RASEF: variants seen among roughly 807,000 people sequenced by gnomAD.
RASEF encodes RAS and EF-hand domain containing, also known as ras and EF-hand domain-containing protein.
In RASEF, 68 loss-of-function variants were observed where a neutral mutation model predicts 90.1. That is an observed-to-expected ratio of 0.75 (90% CI 0.62 to 0.92). The LOEUF (loss-of-function observed/expected upper bound fraction) is 0.92. RASEF is among the 40% of genes least tolerant of loss of function. The pLI is 0.00. For synonymous variants in RASEF, 331 were observed against 345.2 expected (o/e 0.96, Z 0.46); for missense variants, 949 against 937.2 (o/e 1.01, Z -0.16).
At chr9:83,005,617 G>C in intron 7 of RASEF, 117 bp from the exon 8 acceptor site, 1 of 763,122 alleles carries the variant, frequency 1.3e-6, no homozygotes, top group Non-Finnish European at 2.3e-6. Context: ...ATCATCTTCT[G>C]CAACTTTCCA....
chr9:83,199,256 C>CAAAA, the RASEF span, among the ~76,000 whole-genome samples: 1 of 120,728 alleles, frequency 8.3e-6, no homozygotes. Flanking sequence ...AAAAAAAAAG[C>CAAAA]ACCTGACCTT....
the RASEF span, among the ~76,000 whole-genome samples, chr9:83,206,237 T>A: frequency 6.6e-6 from 1 of 152,252 alleles, no homozygotes; most frequent in South Asian, 2.1e-4. Flanking sequence ...ATTTTTTCGT[T>A]AAGATCTAGC....
chr9:83,020,416 T>G (rs1231020774), intron 3 of RASEF, among the ~76,000 whole-genome samples: 1 of 152,156 alleles, frequency 6.6e-6, no homozygotes, highest in African/African-American at 2.4e-5. Context: ...GGAAAAATCT[T>G]AGACTGGCCT....
At chr9:83,081,437 A>G in the RASEF span, among the ~76,000 whole-genome samples, 1 of 152,014 alleles carries the variant, frequency 6.6e-6, no homozygotes, top group Non-Finnish European at 1.5e-5. Context: ...GTTCCTGTTC[A>G]TTTCTGGCCT....
chr9:83,122,966 G>A, the RASEF span, among the ~76,000 whole-genome samples: 8,174 of 152,232 alleles, frequency 0.054, 274 homozygotes, highest in South Asian at 0.1. Flanking sequence ...GGGGCTGGGC[G>A]CAGTGGCTCA....
the RASEF span, among the ~76,000 whole-genome samples, chr9:83,203,546 G>T: frequency 1.3e-5 from 2 of 152,146 alleles, no homozygotes; most frequent in Admixed American, 1.3e-4. Context: ...AAAGTGCTGG[G>T]ATTACAGGCA....
At chr9:83,044,896 T>C (rs1278316478) in intron 1 of RASEF, among the ~76,000 whole-genome samples, 1 of 152,110 alleles carries the variant, frequency 6.6e-6, no homozygotes. Context: ...GTCTCATCCA[T>C]TCAGTAAAGA....
chr9:83,211,149 T>C, the RASEF span, among the ~76,000 whole-genome samples: 1 of 152,238 alleles, frequency 6.6e-6, no homozygotes, highest in Non-Finnish European at 1.5e-5. Context: ...TTAGTTGCCA[T>C]GCCTCTTTAG....
chr9:83,022,664 A>C lies in RASEF; in HGVS notation c.579-238T>G, dbSNP rs10121204. Among the ~76,000 whole-genome samples the C allele has an allele frequency of 0.54, 82,035 of 151,978 alleles. 22,436 individuals are homozygous for C. The highest frequency in any genetic ancestry group is 0.73 in the East Asian group (3,777 of 5,174). On this transcript the variant is annotated intron_variant, in intron 2 of 16. Transcript: ENST00000376447. ...CATTCCTTAACAACTAGTATACATT[A>C]TGAGAAATGTGTCTTTAGGAGATTT...
chr9:83,123,157 T>A, the RASEF span, among the ~76,000 whole-genome samples: 1 of 150,676 alleles, frequency 6.6e-6, no homozygotes, highest in Non-Finnish European at 1.5e-5. Flanking sequence ...GGAGAATCAC[T>A]TGAATCCGGG....
the RASEF span, among the ~76,000 whole-genome samples, chr9:83,135,173 G>T: frequency 6.6e-6 from 1 of 152,044 alleles, no homozygotes; most frequent in African/African-American, 2.4e-5. Flanking sequence ...GGTGATGGTT[G>T]CACAACTCTA....
At chr9:83,087,221 G>T in the RASEF span, among the ~76,000 whole-genome samples, 3,148 of 152,162 alleles carry the variant, frequency 0.021, 91 homozygotes, top group African/African-American at 0.071. Flanking sequence ...TGCTGTGGAC[G>T]GAATTGTGTC....
At position 83,048,280 on chromosome 9, in the gene RASEF, G is replaced by T. The variant is rs924030139; in HGVS notation, c.431+14157C>A. ...TTTGGCACAATTCAACCTTGCAAAA[G>T]AAGGCATGAAGGCGTCACTTCTCTG... On this transcript the variant is annotated intron_variant, in intron 1 of 16. Coordinates refer to ENST00000376447, the MANE Select transcript of RASEF (RefSeq NM_152573.4). 1.5e-5 allele frequency: 15 copies of T among 985,384 alleles called. No homozygotes were observed. The Admixed American group carries it at 6.1e-4, about 40-fold the overall frequency. The allele number at this position is 985,384 out of a possible 1,614,324, so 61.0% of individuals were successfully genotyped here.
chr9:83,168,109 CA>C, the RASEF span, among the ~76,000 whole-genome samples: 1 of 152,070 alleles, frequency 6.6e-6, no homozygotes, highest in Non-Finnish European at 1.5e-5. Context: ...GAAGGGGCAC[CA>C]GAATTCCTAC....
the RASEF span, among the ~76,000 whole-genome samples, chr9:83,155,979 A>G: frequency 6.6e-6 from 1 of 152,166 alleles, no homozygotes; most frequent in Non-Finnish European, 1.5e-5. Flanking sequence ...CTTAATAGTT[A>G]TATGGCCCTG....
rs1347905057 is a variant in RASEF, at chr9:82,980,984, A to G, written c.*1693T>C. On this transcript the variant is annotated 3_prime_UTR_variant, in exon 17 of 17. Transcript: ENST00000376447. ...TAGCTATTTATAATCTTTGCCTGTA[A>G]CTATCCGGTCAATTCCCATTTTTTC... The G allele has an allele frequency of 6.6e-6, 1 of 152,210 alleles. No individual in the cohort carries two copies. The highest frequency in any genetic ancestry group is 1.5e-5 in the Non-Finnish European group (1 of 68,038). 9.4% of individuals were successfully genotyped at this position (152,210 alleles called of 1,614,324 possible).
chr9:83,100,717 A>G, the RASEF span, among the ~76,000 whole-genome samples: 1 of 152,152 alleles, frequency 6.6e-6, no homozygotes, highest in Admixed American at 6.5e-5. Context: ...TAGAACCTCA[A>G]TCATTCTGCC....
chr9:83,024,119 A>G (rs1422413248), intron 2 of RASEF, among the ~76,000 whole-genome samples: 1 of 152,220 alleles, frequency 6.6e-6, no homozygotes, highest in Admixed American at 6.5e-5. Context: ...AATGGTTTAC[A>G]AGTAGCCATT....
the RASEF span, among the ~76,000 whole-genome samples, chr9:83,137,954 AAACTTG>A: frequency 1.3e-5 from 2 of 152,038 alleles, no homozygotes; most frequent in Non-Finnish European, 2.9e-5. Flanking sequence ...GAGGATATAC[AAACTTG>A]AACTTTACCC....
Sources: allele counts gnomAD v4.1 joint callset (sites outside exome capture counted in the v4.1 genomes callset), GRCh38; gene constraint gnomAD v4.1.1; transcripts MANE v1.5; gene names NCBI Gene and HGNC (gene_info 2026-07-23, HGNC 2026-07-21).